SMNDC1: variants seen among roughly 807,000 people sequenced by gnomAD.
The protein encoded by SMNDC1 is survival of motor neuron-related-splicing factor 30.
SMNDC1 carries 5 observed loss-of-function variants against 29.2 expected under a neutral mutation model. The ratio of observed to expected loss-of-function variants is 0.17; its 90% CI spans 0.09 to 0.36. SMNDC1 has a LOEUF of 0.36. Among genes scored for constraint, SMNDC1 ranks in the 10% least tolerant of loss-of-function variants. The pLI, the probability that SMNDC1 is intolerant of heterozygous loss-of-function variation, is 1.00. For missense variants in SMNDC1, 142 were observed against 268.5 expected (o/e 0.53, Z 3.29); for synonymous variants, 80 against 89.9 (o/e 0.89, Z 0.62).
intron 5 of SMNDC1, 100 bp from the exon 6 acceptor site, chr10:110,294,387 T>A (rs781260758): frequency 2.0e-6 from 2 of 1,020,340 alleles, no homozygotes; most frequent in South Asian, 1.8e-5. Flanking sequence ...TTTCAACGTT[T>A]AAAAGAAGAA....
chr10:110,301,061 C>G (rs1005563004), intron 2 of SMNDC1, among the ~76,000 whole-genome samples: 1 of 152,060 alleles, frequency 6.6e-6, no homozygotes. Context: ...AAAGGGCAAA[C>G]AAATTAATAA....
chr10:110,303,330 T>C (rs1359508210), intron 2 of SMNDC1, 138 bp downstream of exon 2: 1 of 654,674 alleles, frequency 1.5e-6, no homozygotes. Flanking sequence ...ACCCTACTTC[T>C]ACAAGCAATG....
chr10:110,302,216 G>A (rs904447931), intron 2 of SMNDC1, among the ~76,000 whole-genome samples: 2 of 152,184 alleles, frequency 1.3e-5, no homozygotes, highest in Non-Finnish European at 2.9e-5. Flanking sequence ...CAAATGGACA[G>A]GTGGCAAACC....
chr10:110,298,842 A>G, intron 2 of SMNDC1, 52 bp from the exon 3 acceptor site: 1 of 1,450,006 alleles, frequency 6.9e-7, no homozygotes, highest in Non-Finnish European at 9.5e-7. Flanking sequence ...TCTCATTGTC[A>G]ACTTAGTTTC....
chr10:110,294,335 TA>T lies in SMNDC1; in HGVS notation c.580-49del, dbSNP rs754001411. On this transcript the variant is annotated intron_variant, in intron 5 of 5. Coordinates refer to ENST00000369603, the MANE Select transcript of SMNDC1 (RefSeq NM_005871.4). ...CATTCCTGATTAGTGTTGGAAAAAATAAAAAATTTCAAATTTTAAGTAATGT... is the reference window on the plus strand; with the variant it reads ...CATTCCTGATTAGTGTTGGAAAAAATAAAAATTTCAAATTTTAAGTAATGT... 54 of 1,482,450 alleles carry T rather than the reference TA, an allele frequency of 3.6e-5. 2 individuals are homozygous for T. The South Asian group carries it at 6.9e-4, about 19-fold the overall frequency. The allele number at this position is 1,482,450 out of a possible 1,614,324, so 91.8% of individuals were successfully genotyped here.
chr10:110,295,458 C>CAA, intron 4 of SMNDC1, 77 bp from the exon 5 acceptor site: 7 of 997,844 alleles, frequency 7.0e-6, no homozygotes, highest in South Asian at 2.0e-5. Context: ...ACCGGCAGTG[C>CAA]AAAAAAAAAA....
chr10:110,295,215 A>T lies in SMNDC1; in HGVS notation c.579+13T>A. 1 of 1,577,158 alleles carries T rather than the reference A, an allele frequency of 6.3e-7. No individual in the cohort carries two copies. Among genetic ancestry groups the T allele is most frequent in the Non-Finnish European group, 8.5e-7 (1 of 1,169,998 alleles). ...ATTTCTCAAATTTACAAAGTGTAAA[A>T]AGATTTACCAACCTGGCCTTTTTTG... On this transcript the variant is annotated intron_variant, in intron 5 of 5. Coordinates refer to ENST00000369603, the MANE Select transcript of SMNDC1 (RefSeq NM_005871.4).
intron 5 of SMNDC1, 77 bp from the exon 6 acceptor site, chr10:110,294,364 A>T: frequency 8.3e-7 from 1 of 1,210,246 alleles, no homozygotes; most frequent in Non-Finnish European, 1.1e-6. Context: ...AGTAATGTTA[A>T]AATATATTCT....
rs1208108339 is a variant in SMNDC1, at chr10:110,292,790, GAAAT to G, written c.*1356_*1359del. Reference sequence around the variant, plus strand: ...ATTTATAAAAAAAATTAAAATTCATGAAATAAAAACTTATTTTCCCCTTCCACCA... The same window carrying G: ...ATTTATAAAAAAAATTAAAATTCATGAAAAACTTATTTTCCCCTTCCACCA... On this transcript the variant is annotated 3_prime_UTR_variant, in exon 6 of 6. Transcript: ENST00000369603. The G allele has an allele frequency of 6.6e-6, 1 of 152,070 alleles. No individual in the cohort carries two copies. The highest frequency in any genetic ancestry group is 1.5e-5 in the Non-Finnish European group (1 of 68,008). The allele number at this position is 152,070 out of a possible 1,614,324, so 9.4% of individuals were successfully genotyped here. A position where few individuals can be genotyped will look rare whatever the true frequency, so the allele number is the denominator to read the frequency against.
chr10:110,302,932 G>A (rs533788422), intron 2 of SMNDC1, among the ~76,000 whole-genome samples: 1 of 152,116 alleles, frequency 6.6e-6, no homozygotes, highest in South Asian at 2.1e-4. Flanking sequence ...CCTTAAGTCT[G>A]AACATCTATG....
At chr10:110,303,331 A>G (rs1857685715) in intron 2 of SMNDC1, 137 bp downstream of exon 2, 2 of 655,574 alleles carry the variant, frequency 3.1e-6, no homozygotes, top group Non-Finnish European at 4.9e-6. Flanking sequence ...CCCTACTTCT[A>G]CAAGCAATGG....
intron 4 of SMNDC1, 108 bp from the exon 5 acceptor site, chr10:110,295,489 G>T: frequency 1.4e-6 from 1 of 699,784 alleles, no homozygotes; most frequent in Non-Finnish European, 2.2e-6. Context: ...ATATACAATG[G>T]TCTATGAATA....
At chr10:110,295,439 C>T (rs1857551504) in intron 4 of SMNDC1, 58 bp from the exon 5 acceptor site, 4 of 1,408,310 alleles carry the variant, frequency 2.8e-6, no homozygotes, top group Admixed American at 2.7e-5. Context: ...GAATGACTTC[C>T]TTGAAGACAC....
At chr10:110,303,616 G>A (rs777203709) in intron 1 of SMNDC1, 29 bp from the exon 2 acceptor site, 1 of 1,540,790 alleles carries the variant, frequency 6.5e-7, no homozygotes, top group Non-Finnish European at 8.7e-7. Flanking sequence ...GTTAGACCAT[G>A]AAAACTAAAC....
Position 110,297,593 on chromosome 10 carries a change from C to G in SMNDC1, c.399G>C (p.Glu133Asp), listed in dbSNP as rs775526768. 2.4e-5 allele frequency: 38 copies of G among 1,613,694 alleles called. No homozygotes were observed. The highest frequency in any genetic ancestry group is 2.9e-5 in the Non-Finnish European group (34 of 1,179,888). Reference protein sequence around the residue: ...KPVEEGRKAKEDSGNKPMSKK... With the variant: ...KPVEEGRKAKDDSGNKPMSKK... The stretch of plus-strand genomic sequence containing the variant: ...TTGACATGGGTTTGTTGCCACTGTC[C>G]TCCTTTGCCTTCCTTCCTTCTTCTA... The change falls in exon 4 of 6, where the codon GAG (glutamate) becomes GAC (aspartate). Residue 133 changes from glutamate (E) to aspartate (D), a missense_variant. Physicochemically the swap from Glu to Asp is conservative, Grantham distance 45. Coordinates refer to ENST00000369603, the MANE Select transcript of SMNDC1 (RefSeq NM_005871.4).
chr10:110,293,371 T>C lies in SMNDC1; in HGVS notation c.*779A>G, dbSNP rs1311937699. 6.6e-6 allele frequency: 1 copy of C among 152,558 alleles called. No homozygotes were observed. Among genetic ancestry groups the C allele is most frequent in the South Asian group, 2.1e-4 (1 of 4,826 alleles). 9.5% of individuals were successfully genotyped at this position (152,558 alleles called of 1,614,324 possible). A position where few individuals can be genotyped will look rare whatever the true frequency, so the allele number is the denominator to read the frequency against. ...ATTTAGCCTTGTGTTTTTACAAAAA[T>C]AGTATCTACACTGTATACAGGGCTA... On this transcript the variant is annotated 3_prime_UTR_variant, in exon 6 of 6. Coordinates refer to ENST00000369603, the MANE Select transcript of SMNDC1 (RefSeq NM_005871.4).
chr10:110,298,932 G>C (rs1857607924), intron 2 of SMNDC1, 142 bp from the exon 3 acceptor site: 1 of 593,540 alleles, frequency 1.7e-6, no homozygotes, highest in South Asian at 2.4e-5. Context: ...AGCAAGTACT[G>C]TGATTATCCC....
Position 110,295,396 on chromosome 10 carries a change from G to T in SMNDC1, c.426-15C>A. The T allele has an allele frequency of 6.4e-7, 1 of 1,568,440 alleles. No homozygotes were observed. Among genetic ancestry groups the T allele is most frequent in the South Asian group, 1.2e-5 (1 of 84,192 alleles). On this transcript the variant is annotated splice_polypyrimidine_tract_variant and intron_variant, in intron 4 of 5. Coordinates refer to ENST00000369603, the MANE Select transcript of SMNDC1 (RefSeq NM_005871.4). Reference sequence around the variant, plus strand: ...TCATTTCTTTTCTGCATGAAAAAAAGTTAAATGTCAACTGTTAAGACTTAT... The same window carrying T: ...TCATTTCTTTTCTGCATGAAAAAAATTTAAATGTCAACTGTTAAGACTTAT...
In SMNDC1 at chr10:110,294,162, C is replaced by A; in HGVS notation, c.705G>T (p.Leu235Phe). ...QDTSKYNVRHLMPQ is the reference protein window; with the variant it reads ...QDTSKYNVRHFMPQ ...ACAGTTTTTCTGATTATTGAGGCAT[C>A]AAATGCCTGACATTGTATTTAGAGG... is the stretch of plus-strand genomic sequence containing the variant. The change falls in exon 6 of 6, where the codon TTG becomes TTT. Residue 235 changes from leucine to phenylalanine, a missense_variant. Leu to Phe is a conservative substitution (Grantham distance 22). Coordinates refer to ENST00000369603, the MANE Select transcript of SMNDC1 (RefSeq NM_005871.4). The A allele has an allele frequency of 6.3e-7, 1 of 1,586,236 alleles. No homozygotes were observed. The highest frequency in any genetic ancestry group is 1.2e-5 in the South Asian group (1 of 86,788).
Sources: allele counts gnomAD v4.1 joint callset (sites outside exome capture counted in the v4.1 genomes callset), GRCh38; gene constraint gnomAD v4.1.1; transcripts MANE v1.5; gene names NCBI Gene and HGNC (gene_info 2026-07-23, HGNC 2026-07-21).